The following CPNE7 variants were observed in gnomAD, a reference collection of about 807,000 sequenced individuals.
CPNE7 encodes copine-7.
CPNE7 carries 78 observed loss-of-function variants against 66.5 expected under a neutral mutation model. That is an observed-to-expected ratio of 1.17 (90% CI 0.98 to 1.42). CPNE7 has a LOEUF of 1.42. Among genes scored for constraint, CPNE7 ranks in the 40% most tolerant of loss-of-function variants. The pLI is 0.00. For missense variants in CPNE7, 1,012 were observed against 776.6 expected, an observed-to-expected ratio of 1.30 and a Z score of -3.60; for synonymous variants, 468 against 336.7, an observed-to-expected ratio of 1.39 and a Z score of -4.27.
chr16:89,589,878 C>T lies in CPNE7; in HGVS notation c.1062-19C>T, dbSNP rs539305943. On this transcript the variant is annotated intron_variant, in intron 10 of 14. Transcript: ENST00000319518. ...ACAAGAGGTCAGGGCCTCCTGGTGACCTCCTGCCTCTCTTCCAGTGACAAG... is the reference window on the plus strand; with the variant it reads ...ACAAGAGGTCAGGGCCTCCTGGTGATCTCCTGCCTCTCTTCCAGTGACAAG... 1.8e-5 allele frequency: 29 copies of T among 1,613,474 alleles called. No homozygotes were observed. Among genetic ancestry groups the T allele is most frequent in the Middle Eastern group, 1.6e-4 (1 of 6,062 alleles).
intron 13 of CPNE7, chr16:89,594,302 G>A (rs1051211637): frequency 6.6e-6 from 1 of 152,210 alleles, no homozygotes; most frequent in East Asian, 1.9e-4. Context: ...GTGGGTGCTT[G>A]TAGGCCTGGA....
chr16:89,575,945 G>A lies in CPNE7; in HGVS notation c.48G>A (p.Leu16=). ...ERGAAATPGG[L]PAPCASKVEL... is the part of the protein sequence containing the mutation. ...GGGCGGCGGCAACCCCCGGGGGTTT[G>A]CCCGCGCCCTGCGCCTCGAAGGTGG... Residue 16 remains leucine (L), a synonymous_variant, in exon 1 of 15, where the codon TTG becomes TTA. Transcript: ENST00000319518. 1 of 1,334,848 alleles carries A rather than the reference G, an allele frequency of 7.5e-7. No individual in the cohort carries two copies. Among genetic ancestry groups the A allele is most frequent in the Non-Finnish European group, 9.6e-7 (1 of 1,042,772 alleles). The allele number at this position is 1,334,848 out of a possible 1,614,324, so 82.7% of individuals were successfully genotyped here.
intron 8 of CPNE7, 82 bp from the exon 9 acceptor site, chr16:89,586,961 T>A: frequency 7.1e-7 from 1 of 1,400,780 alleles, no homozygotes; most frequent in Non-Finnish European, 9.9e-7. Context: ...CTGGGCTGCC[T>A]GCGGGAGGCA....
intron 9 of CPNE7, among the ~76,000 whole-genome samples, chr16:89,588,091 G>GC (rs369702897): frequency 5.0e-4 from 5 of 10,054 alleles, no homozygotes; most frequent in South Asian, 6.2e-3. Flanking sequence ...CAGATACACG[G>GC]CCCCCGTGTC....
intron 2 of CPNE7, chr16:89,583,439 A>C (rs1487212246): frequency 6.5e-7 from 1 of 1,550,248 alleles, no homozygotes; most frequent in Non-Finnish European, 8.7e-7. Flanking sequence ...TCACCTGGTA[A>C]ATAGGTATGA....
At chr16:89,576,769 C>G (rs2058867074) in intron 1 of CPNE7, among the ~76,000 whole-genome samples, 1 of 152,206 alleles carries the variant, frequency 6.6e-6, no homozygotes, top group Non-Finnish European at 1.5e-5. Flanking sequence ...TCTCCAGGCT[C>G]CAGCGCGGGC....
At chr16:89,578,772 A>G in intron 2 of CPNE7, 4 of 1,409,828 alleles carry the variant, frequency 2.8e-6, no homozygotes, top group Non-Finnish European at 1.8e-6. Context: ...AAAAAAAAAA[A>G]AAAAAAGAAG....
chr16:89,592,606 C>A lies in CPNE7; in HGVS notation c.1302+1346C>A, dbSNP rs372707110. 4.1e-4 allele frequency among the ~76,000 whole-genome samples: 61 copies of A among 149,804 alleles called. 1 individual carries two copies. In the South Asian group the frequency reaches 0.011, roughly 26 times the overall value. On this transcript the variant is annotated intron_variant, in intron 13 of 14. Transcript: ENST00000319518. The stretch of plus-strand genomic sequence containing the variant: ...TACAGGCTCCCGCCACCACGCCCGG[C>A]TAATTTTTTGTATTTTTAGTAGAGA...
Position 89,587,186 on chromosome 16 carries a change from T to G in CPNE7, c.927+84T>G, listed in dbSNP as rs1026705568. ...CCCCCTCAGTCCGTGGCCCCGCCCC[T>G]CCCCGCCCCCTCAGTCTGTGGCCCC... On this transcript the variant is annotated intron_variant, in intron 9 of 14. Transcript: ENST00000319518. 8,215 of 364,466 alleles carry G rather than the reference T, an allele frequency of 0.023. 1,078 individuals carry two copies. The East Asian group carries it at 0.32, about 14-fold the overall frequency. The allele number at this position is 364,466 out of a possible 1,614,324, so 22.6% of individuals were successfully genotyped here.
intron 13 of CPNE7, among the ~76,000 whole-genome samples, chr16:89,594,657 T>C (rs1384129187): frequency 1.7e-4 from 22 of 129,120 alleles, no homozygotes; most frequent in Admixed American, 1.1e-3. Flanking sequence ...TTTTTTTTTT[T>C]TTTTTTTTTT....
In CPNE7 at chr16:89,590,222, C is replaced by T. The variant is rs551136864; in HGVS notation, c.1116+271C>T. Among the ~76,000 whole-genome samples, 8 of 152,170 alleles carry T rather than the reference C, an allele frequency of 5.3e-5. No homozygotes were observed. In the East Asian group the frequency reaches 7.7e-4, roughly 15 times the overall value. On this transcript the variant is annotated intron_variant, in intron 11 of 14. Coordinates refer to ENST00000319518, the MANE Select transcript of CPNE7 (RefSeq NM_153636.3). ...CGTTAGTGTGGAATCCTCTATTGCA[C>T]ATAACAATTCAGCTAGCTTCGGCCA...
chr16:89,581,343 A>G (rs920004754), intron 2 of CPNE7, among the ~76,000 whole-genome samples: 1 of 151,828 alleles, frequency 6.6e-6, no homozygotes, highest in Admixed American at 6.6e-5. Flanking sequence ...CGTCACACGG[A>G]ACATCCCGTC....
At chr16:89,576,109 C>CCG (rs2058855302) in intron 1 of CPNE7, 38 bp downstream of exon 1, 1 of 1,238,232 alleles carries the variant, frequency 8.1e-7, no homozygotes. Context: ...GGCCACCGGG[C>CCG]CGGGGCTGGC....
At chr16:89,593,300 A>G (rs1027786589) in intron 13 of CPNE7, among the ~76,000 whole-genome samples, 1 of 152,002 alleles carries the variant, frequency 6.6e-6, no homozygotes, top group Non-Finnish European at 1.5e-5. Context: ...GGCACTGCAC[A>G]CACACATTTG....
At chr16:89,578,298 C>CAT (rs2058892913) in intron 2 of CPNE7, among the ~76,000 whole-genome samples, 1 of 151,872 alleles carries the variant, frequency 6.6e-6, no homozygotes, top group African/African-American at 2.4e-5. Context: ...ATCCTGACCT[C>CAT]GTGATCCGCC....
chr16:89,587,598 AAC>A (rs2059075679), intron 9 of CPNE7: 3 of 453,698 alleles, frequency 6.6e-6, no homozygotes, highest in Admixed American at 2.4e-5. Context: ...CGTTTGAGTG[AAC>A]CAGCCACAGT....
At position 89,589,886 on chromosome 16, in the gene CPNE7, C is replaced by T. The variant is rs529752644; in HGVS notation, c.1062-11C>T. The T allele has an allele frequency of 1.9e-6, 3 of 1,613,598 alleles. No homozygotes were observed. Among genetic ancestry groups the T allele is most frequent in the East Asian group, 2.2e-5 (1 of 44,896 alleles). ...TCAGGGCCTCCTGGTGACCTCCTGCCTCTCTTCCAGTGACAAGAGGTTTTC... is the reference window on the plus strand; with the variant it reads ...TCAGGGCCTCCTGGTGACCTCCTGCTTCTCTTCCAGTGACAAGAGGTTTTC... On this transcript the variant is annotated splice_polypyrimidine_tract_variant and intron_variant, in intron 10 of 14. Coordinates refer to ENST00000319518, the MANE Select transcript of CPNE7 (RefSeq NM_153636.3).
chr16:89,596,860 A>C lies in CPNE7; in HGVS notation c.*239A>C. 2.3e-6 allele frequency: 1 copy of C among 440,050 alleles called. No individual in the cohort carries two copies. Among genetic ancestry groups the C allele is most frequent in the Non-Finnish European group, 3.9e-6 (1 of 253,982 alleles). 27.3% of individuals were successfully genotyped at this position (440,050 alleles called of 1,614,324 possible). A position where few individuals can be genotyped will look rare whatever the true frequency, so the allele number is the denominator to read the frequency against. On this transcript the variant is annotated 3_prime_UTR_variant, in exon 15 of 15. Coordinates refer to ENST00000319518, the MANE Select transcript of CPNE7 (RefSeq NM_153636.3). ...GGCCCTGCCTGAGCCAGGTGGGTGG[A>C]GGGAGGGAGATCATGAGGGACTTGG...
intron 8 of CPNE7, 57 bp from the exon 9 acceptor site, chr16:89,586,986 C>T: frequency 6.6e-7 from 1 of 1,512,414 alleles, no homozygotes; most frequent in Non-Finnish European, 9.0e-7. Flanking sequence ...TGGATCCCAG[C>T]TGGCACTGGC....
Sources: gnomAD v4.1 joint callset for allele counts (sites outside exome capture counted in the v4.1 genomes callset) on GRCh38, gnomAD v4.1.1 for gene constraint, MANE v1.5 for transcripts, NCBI Gene and HGNC (gene_info 2026-07-23, HGNC 2026-07-21) for gene names.